Variants in GREB1 observed in about 807,000 individuals in gnomAD.
GREB1 encodes protein GREB1.
GREB1 carries 106 observed loss-of-function variants against 200.7 expected under a neutral mutation model. The ratio of observed to expected loss-of-function variants is 0.53; its 90% confidence interval spans 0.45 to 0.62. The LOEUF is 0.62. GREB1 is among the 20% of genes least tolerant of loss of function. The pLI is 0.00. For synonymous variants in GREB1, 1,132 were observed against 1,092.4 expected, an observed-to-expected ratio of 1.04 and a Z score of -0.72; for missense variants, 2,243 against 2,556.8, an observed-to-expected ratio of 0.88 and a Z score of 2.65.
intron 1 of GREB1, among the ~76,000 whole-genome samples, chr2:11,513,674 C>T (rs1443608875): frequency 2.0e-5 from 3 of 150,960 alleles, no homozygotes; most frequent in Admixed American, 1.3e-4. Flanking sequence ...TGATGGTTTT[C>T]GGTCTTGCTT....
intron 28 of GREB1, 60 bp from the exon 29 acceptor site, chr2:11,634,071 C>T: frequency 6.6e-7 from 1 of 1,510,322 alleles, no homozygotes; most frequent in Non-Finnish European, 9.2e-7. Context: ...TGCCTGGTCC[C>T]AAGGACCTTG....
chr2:11,554,581 G>A (rs1213686053), intron 1 of GREB1, among the ~76,000 whole-genome samples: 2 of 152,208 alleles, frequency 1.3e-5, no homozygotes, highest in African/African-American at 2.4e-5. Context: ...TGGTCTGTGT[G>A]CAGTAATTGT....
rs1231698927 is a variant in GREB1 at position 11,501,895 on chromosome 2, GTTTTTTTTTGTTTTTTTTTTTT to G, written c.-159+19524_-159+19545del. 3.5e-4 allele frequency among the ~76,000 whole-genome samples: 16 copies of G among 45,564 alleles called. 1 individual carries two copies. Among genetic ancestry groups the G allele is most frequent in the Non-Finnish European group, 5.4e-4 (14 of 26,150 alleles). The allele number at this position is 45,564 out of a possible 152,430, so 29.9% of individuals were successfully genotyped here. A position where few individuals can be genotyped will look rare whatever the true frequency, so the allele number is the denominator to read the frequency against. On this transcript the variant is annotated intron_variant, in intron 1 of 2. Coordinates refer to the GREB1 transcript ENST00000628795. ...TTACTTATTAGAGCCTGGATTTCCT[GTTTTTTTTTGTTTTTTTTTTTT>G]TTTTTTTTTTTTTTTTGAGATGGAG...
intron 23 of GREB1, among the ~76,000 whole-genome samples, chr2:11,624,925 C>G (rs757411248): frequency 6.6e-6 from 1 of 152,148 alleles, no homozygotes; most frequent in African/African-American, 2.4e-5. Context: ...AGTGGACACC[C>G]GTGCTCACAG....
At chr2:11,575,289 C>T (rs1367499354) in intron 4 of GREB1, among the ~76,000 whole-genome samples, 2 of 152,194 alleles carry the variant, frequency 1.3e-5, no homozygotes, top group African/African-American at 2.4e-5. Flanking sequence ...GAAACAAGGC[C>T]GTCTTAAGAT....
At chr2:11,507,527 G>T (rs1673218107) in intron 1 of GREB1, among the ~76,000 whole-genome samples, 1 of 152,136 alleles carries the variant, frequency 6.6e-6, no homozygotes, top group Admixed American at 6.5e-5. Flanking sequence ...TTTATATTTG[G>T]TATCAAGAAA....
chr2:11,610,670 T>C lies in GREB1; in HGVS notation c.2667-18T>C. ...GGGCGCGGCCGTCACAGACATGGTC[T>C]CTCTGTGTTCCTTGCAGGTTCCCCC... On this transcript the variant is annotated intron_variant, in intron 17 of 32. Transcript: ENST00000381486. 2 of 1,583,958 alleles carry C rather than the reference T, an allele frequency of 1.3e-6. No individual in the cohort carries two copies. The highest frequency in any genetic ancestry group is 1.7e-6 in the Non-Finnish European group (2 of 1,160,386).
chr2:11,527,920 A>G (rs1403660822), intron 1 of GREB1, among the ~76,000 whole-genome samples: 2 of 152,328 alleles, frequency 1.3e-5, no homozygotes, highest in African/African-American at 2.4e-5. Context: ...TTTAAGACCT[A>G]TCAATATCCC....
chr2:11,551,786 C>T (rs1030968732), intron 1 of GREB1, among the ~76,000 whole-genome samples: 5 of 152,152 alleles, frequency 3.3e-5, no homozygotes, highest in Non-Finnish European at 7.3e-5. Flanking sequence ...AGAAGTGGAG[C>T]AGGACGAGCC....
intron 1 of GREB1, among the ~76,000 whole-genome samples, chr2:11,511,468 G>A (rs912202091): frequency 6.6e-6 from 1 of 152,196 alleles, no homozygotes; most frequent in Non-Finnish European, 1.5e-5. Flanking sequence ...ATGGAGACAA[G>A]ATGGGAGTGT....
At chr2:11,595,099 T>G (rs372814680) in intron 11 of GREB1, 152 bp from the exon 12 acceptor site, 101 of 571,936 alleles carry the variant, frequency 1.8e-4, no homozygotes, top group African/African-American at 1.7e-3. Flanking sequence ...TTGTGTCACC[T>G]GACAGCAGGC....
intron 1 of GREB1, among the ~76,000 whole-genome samples, chr2:11,495,410 G>A (rs1025186038): frequency 1.2e-4 from 18 of 151,844 alleles, no homozygotes; most frequent in Non-Finnish European, 2.2e-4. Context: ...AATTTCATTC[G>A]GTATTTTTTT....
intron 17 of GREB1, among the ~76,000 whole-genome samples, chr2:11,606,788 TA>T (rs1414567518): frequency 9.8e-6 from 1 of 102,534 alleles, no homozygotes; most frequent in Non-Finnish European, 2.3e-5. Context: ...TTATTATTAT[TA>T]TTATTATTAT....
At chr2:11,585,351 T>C in intron 8 of GREB1, 77 bp downstream of exon 8, 1 of 824,332 alleles carries the variant, frequency 1.2e-6, no homozygotes, top group Non-Finnish European at 1.9e-6. Flanking sequence ...TGTGTATGTG[T>C]GCGTGTGTGC....
intron 7 of GREB1, among the ~76,000 whole-genome samples, chr2:11,584,195 G>A (rs186496758): frequency 6.6e-6 from 1 of 152,288 alleles, no homozygotes; most frequent in Admixed American, 6.5e-5. Flanking sequence ...AGTTGAAGTT[G>A]AGACATGAAT....
At chr2:11,527,230 C>T (rs1384858660) in intron 1 of GREB1, among the ~76,000 whole-genome samples, 3 of 150,842 alleles carry the variant, frequency 2.0e-5, no homozygotes, top group Admixed American at 2.0e-4. Context: ...ATCATGCGGT[C>T]AAAAAAAATG....
intron 27 of GREB1, 45 bp downstream of exon 27, chr2:11,632,158 C>T (rs1558666161): frequency 4.4e-6 from 6 of 1,378,306 alleles, no homozygotes; most frequent in Admixed American, 1.7e-5. Context: ...CTCCTGTGAA[C>T]GAACACTTGA....
Position 11,629,893 on chromosome 2 carries a change from C to A in GREB1, c.4450-55C>A. On this transcript the variant is annotated intron_variant, in intron 25 of 32. Coordinates refer to ENST00000381486, the MANE Select transcript of GREB1 (RefSeq NM_014668.4). This position sits in a 1 kb window ranked among gnomAD's most constrained non-coding sequence, Gnocchi z 5.2. ...CACAGCAGAGTGGGCCTGGGGTCTT[C>A]TGGGAAGCAGGCCGGACTCTGACGG... 6.3e-7 allele frequency: 1 copy of A among 1,580,252 alleles called. No individual in the cohort carries two copies. Among genetic ancestry groups the A allele is most frequent in the Non-Finnish European group, 8.7e-7 (1 of 1,154,764 alleles).
intron 17 of GREB1, among the ~76,000 whole-genome samples, chr2:11,609,980 C>T (rs1336529348): frequency 2.0e-5 from 3 of 152,332 alleles, no homozygotes; most frequent in African/African-American, 7.2e-5. Flanking sequence ...ACACCATCAT[C>T]TACAGGGACC....
Sources: gnomAD v4.1 joint callset for allele counts (sites outside exome capture counted in the v4.1 genomes callset) on GRCh38, gnomAD v4.1.1 for gene constraint, Gnocchi (gnomAD v3.1) non-coding constraint, MANE v1.5 for transcripts, NCBI Gene and HGNC (gene_info 2026-07-23, HGNC 2026-07-21) for gene names.